Variants in RPS6KA2 observed in about 807,000 individuals in gnomAD.
The protein encoded by RPS6KA2 is ribosomal protein S6 kinase A2.
A neutral mutation model predicts 91.8 loss-of-function variants in RPS6KA2; 42 were observed. The ratio of observed to expected loss-of-function variants is 0.46; its 90% CI spans 0.36 to 0.59. The LOEUF (loss-of-function observed/expected upper bound fraction) is 0.59, where lower values mean the gene tolerates loss of function less well. Ranked by LOEUF, RPS6KA2 falls within the 20% of genes least tolerant of loss-of-function variation. RPS6KA2 has a pLI of 0.00. For synonymous variants in RPS6KA2, 414 were observed against 393.6 expected, an observed-to-expected ratio of 1.05 and a Z score of -0.61; for missense variants, 798 against 978.5, an observed-to-expected ratio of 0.82 and a Z score of 2.46.
intron 10 of RPS6KA2, among the ~76,000 whole-genome samples, chr6:166,479,336 A>T (rs1781101176): frequency 6.6e-6 from 1 of 152,268 alleles, no homozygotes; most frequent in South Asian, 2.1e-4. Context: ...GTGTCTGCCC[A>T]AGAGCCATGA....
At chr6:166,686,720 T>C (rs758420906) in intron 2 of RPS6KA2, among the ~76,000 whole-genome samples, 4 of 152,250 alleles carry the variant, frequency 2.6e-5, no homozygotes, top group African/African-American at 7.2e-5. Context: ...CCATGGTACC[T>C]ATGTCACTGC....
intron 1 of RPS6KA2, among the ~76,000 whole-genome samples, chr6:166,618,152 T>C (rs1036722532): frequency 6.6e-6 from 1 of 152,256 alleles, no homozygotes; most frequent in African/African-American, 2.4e-5. Context: ...GTTCCCACCA[T>C]GGGTGGCCAA....
At chr6:166,710,360 A>G (rs1239529662) in intron 2 of RPS6KA2, among the ~76,000 whole-genome samples, 5 of 152,286 alleles carry the variant, frequency 3.3e-5, no homozygotes, top group Admixed American at 2.6e-4. Context: ...TCCTCCCACC[A>G]TAATGTACTT....
Position 166,435,931 on chromosome 6 carries a change from G to A in RPS6KA2, c.1333-3441C>T, listed in dbSNP as rs1420396838. On this transcript the variant is annotated intron_variant, in intron 14 of 20. Transcript: ENST00000265678. This position sits in a 1 kb window ranked among gnomAD's most constrained non-coding sequence, Gnocchi z 4.3. ...CAGTCTGAGCCCCAGCTGAGACCTG[G>A]CCTCCCTGTCCACTCCCTGTGGGGT... Among the ~76,000 whole-genome samples the A allele has an allele frequency of 6.6e-6, 1 of 152,204 alleles. No homozygotes were observed. Among genetic ancestry groups the A allele is most frequent in the Non-Finnish European group, 1.5e-5 (1 of 68,010 alleles).
intron 2 of RPS6KA2, among the ~76,000 whole-genome samples, chr6:166,728,277 G>A (rs1281898703): frequency 6.6e-6 from 1 of 152,176 alleles, no homozygotes; most frequent in Non-Finnish European, 1.5e-5. Context: ...AACGTTCCCA[G>A]GCCCAGTCAC....
At chr6:166,583,762 G>A (rs980207383) in intron 1 of RPS6KA2, among the ~76,000 whole-genome samples, 2 of 152,230 alleles carry the variant, frequency 1.3e-5, no homozygotes, top group African/African-American at 4.8e-5. Context: ...TTCAGTCCAG[G>A]AGGCATCACG....
chr6:166,463,481 TCAGAATGACA>T (rs1780402284), intron 11 of RPS6KA2: 1 of 152,206 alleles, frequency 6.6e-6, no homozygotes, highest in South Asian at 2.1e-4. Context: ...TCCCAGGATG[TCAGAATGACA>T]CAGTGTGGCC....
intron 1 of RPS6KA2, among the ~76,000 whole-genome samples, chr6:166,560,237 C>A (rs1038251226): frequency 6.6e-6 from 1 of 152,214 alleles, no homozygotes; most frequent in African/African-American, 2.4e-5. Context: ...GGTTCTATCA[C>A]CAATGGGCCC....
intron 10 of RPS6KA2, among the ~76,000 whole-genome samples, chr6:166,481,932 G>A (rs1781236441): frequency 6.6e-6 from 1 of 151,300 alleles, no homozygotes; most frequent in African/African-American, 2.4e-5. Context: ...CTTAAAGTAT[G>A]TGCTGCAGAG....
chr6:166,811,345 T>G (rs991789148), intron 2 of RPS6KA2, among the ~76,000 whole-genome samples: 2 of 152,214 alleles, frequency 1.3e-5, no homozygotes, highest in African/African-American at 4.8e-5. Flanking sequence ...TGTTTTCAAA[T>G]TGTTGTCATG....
intron 2 of RPS6KA2, among the ~76,000 whole-genome samples, chr6:166,847,003 C>A (rs1480506553): frequency 6.6e-6 from 1 of 151,956 alleles, no homozygotes; most frequent in Non-Finnish European, 1.5e-5. Flanking sequence ...GCTGACAATA[C>A]CTAAAAAAAC....
chr6:166,641,761 A>G (rs1787444833), intron 2 of RPS6KA2, among the ~76,000 whole-genome samples: 1 of 140,534 alleles, frequency 7.1e-6, no homozygotes, highest in Non-Finnish European at 1.5e-5. Flanking sequence ...AAAAAAAAAA[A>G]AAATTCAATA....
At chr6:166,701,701 G>A (rs1293704709) in intron 2 of RPS6KA2, 11 of 1,319,316 alleles carry the variant, frequency 8.3e-6, no homozygotes, top group Non-Finnish European at 1.1e-5. Flanking sequence ...TGAAGTGGGT[G>A]GGAACAGACC....
chr6:166,418,415 C>T lies in RPS6KA2; in HGVS notation c.1821-73G>A, dbSNP rs1778613545. The T allele has an allele frequency of 9.1e-7, 1 of 1,094,570 alleles. No individual in the cohort carries two copies. Among genetic ancestry groups the T allele is most frequent in the Non-Finnish European group, 1.4e-6 (1 of 715,460 alleles). 67.8% of individuals were successfully genotyped at this position (1,094,570 alleles called of 1,614,324 possible). ...TAAAATAAAGTTTGCAAGTTGATAT[C>T]ACCCCTTGGCTGTTCAAAGGAATAG... is the stretch of plus-strand genomic sequence containing the variant. On this transcript the variant is annotated intron_variant, in intron 18 of 20. Transcript: ENST00000265678. This position sits in a 1 kb window ranked among gnomAD's most constrained non-coding sequence, Gnocchi z 4.9.
chr6:166,673,081 T>C (rs1788518578), intron 2 of RPS6KA2, among the ~76,000 whole-genome samples: 1 of 151,910 alleles, frequency 6.6e-6, no homozygotes, highest in South Asian at 2.1e-4. Flanking sequence ...TCTGCTATAC[T>C]AGGTGCACAC....
In RPS6KA2 at chr6:166,505,529, A is replaced by G. The variant is rs1003175059; in HGVS notation, c.460-917T>C. Among the ~76,000 whole-genome samples, 11 of 152,248 alleles carry G rather than the reference A, an allele frequency of 7.2e-5. 1 individual carries two copies. In the South Asian group the frequency reaches 2.3e-3, roughly 31 times the overall value. On this transcript the variant is annotated intron_variant, in intron 5 of 20. Coordinates refer to ENST00000265678, the MANE Select transcript of RPS6KA2 (RefSeq NM_021135.6). ...AATGTTATGGAGACTACAAGTCCAC[A>G]TGATTACTGAATTCTCTCCGGTAAG...
At chr6:166,482,081 G>T (rs1238093840) in intron 10 of RPS6KA2, among the ~76,000 whole-genome samples, 1 of 151,756 alleles carries the variant, frequency 6.6e-6, no homozygotes, top group African/African-American at 2.4e-5. Flanking sequence ...ATACCTCTCT[G>T]ATCAATCTTA....
At chr6:166,717,132 G>A (rs1790035798) in intron 2 of RPS6KA2, among the ~76,000 whole-genome samples, 1 of 152,210 alleles carries the variant, frequency 6.6e-6, no homozygotes, top group Non-Finnish European at 1.5e-5. Context: ...AGGGAAGGAG[G>A]TGGAGTGTGT....
rs77799221 is a variant in RPS6KA2 at position 166,498,135 on chromosome 6, C to T, written c.747+373G>A. Among the ~76,000 whole-genome samples the T allele has an allele frequency of 8.1e-3, 1,234 of 152,352 alleles. 15 individuals are homozygous for T. Among genetic ancestry groups the T allele is most frequent in the African/African-American group, 0.028 (1,184 of 41,584 alleles). On this transcript the variant is annotated intron_variant, in intron 8 of 20. Coordinates refer to ENST00000265678, the MANE Select transcript of RPS6KA2 (RefSeq NM_021135.6). ...ACGCTGATGCAAAAATGCCTAACTC[C>T]GTGTACATCTCAGTTTGTAACTAAG...
Sources: gnomAD v4.1 joint callset for allele counts (sites outside exome capture counted in the v4.1 genomes callset) on GRCh38, gnomAD v4.1.1 for gene constraint, Gnocchi (gnomAD v3.1) non-coding constraint, MANE v1.5 for transcripts, NCBI Gene and HGNC (gene_info 2026-07-23, HGNC 2026-07-21) for gene names.